FAM227B: variants seen among roughly 807,000 people sequenced by gnomAD.
FAM227B encodes family with sequence similarity 227 member B, also known as protein FAM227B.
Under a neutral mutation model 73.8 loss-of-function variants are expected in FAM227B, and 88 were observed. The ratio of observed to expected loss-of-function variants is 1.19; its 90% CI spans 1.00 to 1.42. FAM227B has a LOEUF of 1.42. Ranked by LOEUF, FAM227B falls within the 40% of genes most tolerant of loss-of-function variation. The probability of loss-of-function intolerance (pLI) is 0.00; values close to 1 mark genes in which losing one functional copy is unlikely to be tolerated. For synonymous variants in FAM227B, 210 were observed against 190.5 expected, an observed-to-expected ratio of 1.10 and a Z score of -0.84; for missense variants, 632 against 590.9, an observed-to-expected ratio of 1.07 and a Z score of -0.72.
intron 3 of FAM227B, among the ~76,000 whole-genome samples, chr15:49,591,034 T>TTG (rs1485851123): frequency 2.1e-5 from 3 of 143,006 alleles, no homozygotes; most frequent in East Asian, 2.1e-4. Flanking sequence ...TTTTTGTTTT[T>TTG]TTTTTTTTTG....
rs991391201 is a variant in FAM227B, at chr15:49,611,358, C to T, written c.52-90G>A. The T allele has an allele frequency of 7.6e-6, 5 of 654,012 alleles. No homozygotes were observed. The East Asian group carries it at 1.4e-4, about 19-fold the overall frequency. 40.5% of individuals were successfully genotyped at this position (654,012 alleles called of 1,614,324 possible). ...AATAATTTACTTAAATAAAATGATACTCTATTTATCATTTTCAGAGCGGTA... is the reference window on the plus strand; with the variant it reads ...AATAATTTACTTAAATAAAATGATATTCTATTTATCATTTTCAGAGCGGTA... On this transcript the variant is annotated intron_variant, in intron 2 of 15. Coordinates refer to ENST00000299338, the MANE Select transcript of FAM227B (RefSeq NM_152647.3).
In FAM227B at chr15:49,467,781, A is replaced by T. The variant is rs551721036; in HGVS notation, c.1012+40430T>A. 1.6e-4 allele frequency among the ~76,000 whole-genome samples: 24 copies of T among 152,228 alleles called. No homozygotes were observed. In the South Asian group the frequency reaches 5.0e-3, roughly 32 times the overall value. ...AACAAAGAGTATTTCCTCCTGTCTGATTCAGGGAATATATCTTCTCTGGCC... is the reference window on the plus strand; with the variant it reads ...AACAAAGAGTATTTCCTCCTGTCTGTTTCAGGGAATATATCTTCTCTGGCC... On this transcript the variant is annotated intron_variant, in intron 11 of 15. Transcript: ENST00000299338.
intron 11 of FAM227B, among the ~76,000 whole-genome samples, chr15:49,480,474 A>ATTTTTTT (rs35283556): frequency 9.9e-6 from 1 of 100,914 alleles, no homozygotes; most frequent in African/African-American, 4.1e-5. Context: ...TGCCCAACTA[A>ATTTTTTT]TTTTTTTTTT....
chr15:49,422,384 G>T, intron 11 of FAM227B: 1 of 363,334 alleles, frequency 2.8e-6, no homozygotes, highest in Non-Finnish European at 4.5e-6. Context: ...ATTTACCTTA[G>T]CAATACATAT....
intron 13 of FAM227B, among the ~76,000 whole-genome samples, chr15:49,352,106 T>C (rs1448114163): frequency 6.6e-6 from 1 of 152,140 alleles, no homozygotes; most frequent in Non-Finnish European, 1.5e-5. Context: ...TGGCTCATCC[T>C]CAGCTGTGAC....
At chr15:49,452,456 G>A (rs1265599035) in intron 11 of FAM227B, among the ~76,000 whole-genome samples, 3 of 152,148 alleles carry the variant, frequency 2.0e-5, no homozygotes, top group African/African-American at 7.2e-5. Flanking sequence ...GGGAAAAAAT[G>A]TTTGGTAAAC....
chr15:49,416,634 T>C (rs922942820), intron 11 of FAM227B, among the ~76,000 whole-genome samples: 2 of 152,112 alleles, frequency 1.3e-5, no homozygotes, highest in Non-Finnish European at 2.9e-5. Flanking sequence ...AAAAGCTCTT[T>C]GAATTGATAA....
In FAM227B at chr15:49,410,565, C is replaced by T. The variant is rs563014352; in HGVS notation, c.1013-39166G>A. On this transcript the variant is annotated intron_variant, in intron 11 of 15. Coordinates refer to ENST00000299338, the MANE Select transcript of FAM227B (RefSeq NM_152647.3). ...AGAAATGAATAGCTATTGAAAATAG[C>T]GAATCATTTTCCATGTTTAGTTTAA... 1.3e-4 allele frequency among the ~76,000 whole-genome samples: 20 copies of T among 151,996 alleles called. 2 individuals carry two copies. In the East Asian group the frequency reaches 2.7e-3, roughly 21 times the overall value.
intron 10 of FAM227B, among the ~76,000 whole-genome samples, chr15:49,520,244 TA>T (rs1170347254): frequency 1.3e-5 from 2 of 152,132 alleles, no homozygotes; most frequent in Non-Finnish European, 2.9e-5. Flanking sequence ...TGCTGACAGT[TA>T]AAGCCATTCA....
chr15:49,417,318 T>C (rs1292656316), intron 11 of FAM227B, among the ~76,000 whole-genome samples: 1 of 152,028 alleles, frequency 6.6e-6, no homozygotes, highest in Non-Finnish European at 1.5e-5. Flanking sequence ...GCCCAGAAAC[T>C]TGAGGCTGCA....
Position 49,494,557 on chromosome 15 carries a change from C to G in FAM227B, c.1012+13654G>C, listed in dbSNP as rs147276729. 2.0e-3 allele frequency among the ~76,000 whole-genome samples: 307 copies of G among 152,184 alleles called. 2 individuals are homozygous for G. The highest frequency in any genetic ancestry group is 7.1e-3 in the African/African-American group (295 of 41,532). ...AGCTGTCCTCTTAGGATACTGCTTCCCCTGCAATCCTCTCAGTTGGAGGCT... is the reference window on the plus strand; with the variant it reads ...AGCTGTCCTCTTAGGATACTGCTTCGCCTGCAATCCTCTCAGTTGGAGGCT... On this transcript the variant is annotated intron_variant, in intron 11 of 15. Transcript: ENST00000299338.
At chr15:49,486,634 T>C (rs2056421978) in intron 11 of FAM227B, 2 of 152,008 alleles carry the variant, frequency 1.3e-5, no homozygotes, top group South Asian at 4.1e-4. Context: ...ATACAAGCTA[T>C]GTTAGGACCA....
chr15:49,499,320 G>T (rs913114504), intron 11 of FAM227B, among the ~76,000 whole-genome samples: 3 of 151,780 alleles, frequency 2.0e-5, no homozygotes, highest in African/African-American at 4.8e-5. Context: ...AATCAAAATT[G>T]AAAATTTAAA....
intron 12 of FAM227B, among the ~76,000 whole-genome samples, chr15:49,369,736 C>A: frequency 6.6e-6 from 1 of 152,132 alleles, no homozygotes; most frequent in East Asian, 1.9e-4. Flanking sequence ...ATCTATATCC[C>A]TGTATCTTTC....
chr15:49,541,831 TTAA>T, intron 9 of FAM227B, 25 bp from the exon 10 acceptor site: 3 of 1,334,144 alleles, frequency 2.2e-6, no homozygotes, highest in Non-Finnish European at 2.9e-6. Context: ...TCAAATTAGA[TTAA>T]TTTTATATTT....
chr15:49,366,732 G>C (rs2045271931), intron 13 of FAM227B: 4 of 967,530 alleles, frequency 4.1e-6, no homozygotes, highest in Middle Eastern at 3.0e-4. Context: ...CTCACTAGGT[G>C]GGGTAGGCTG....
chr15:49,345,093 T>G (rs749144282), intron 13 of FAM227B, among the ~76,000 whole-genome samples: 2 of 152,228 alleles, frequency 1.3e-5, no homozygotes, highest in Non-Finnish European at 2.9e-5. Flanking sequence ...ACAAAGTTAT[T>G]GTGCTCTCTT....
intron 9 of FAM227B, among the ~76,000 whole-genome samples, chr15:49,549,622 G>A (rs1325470242): frequency 6.6e-6 from 1 of 151,712 alleles, no homozygotes; most frequent in Non-Finnish European, 1.5e-5. Context: ...CACAGCACAT[G>A]ATTCCGAGAG....
chr15:49,568,207 T>G (rs183490009), intron 9 of FAM227B, 38 bp downstream of exon 9: 26 of 1,492,166 alleles, frequency 1.7e-5, no homozygotes, highest in Admixed American at 3.8e-5. Context: ...TCATTCACTT[T>G]AAAAATAATT....
Sources: allele counts gnomAD v4.1 joint callset (sites outside exome capture counted in the v4.1 genomes callset), GRCh38; gene constraint gnomAD v4.1.1; transcripts MANE v1.5; gene names NCBI Gene and HGNC (gene_info 2026-07-23, HGNC 2026-07-21).